The following HNRNPU variants were observed in gnomAD, a reference collection of about 807,000 sequenced individuals.
HNRNPU encodes the protein heterogeneous nuclear ribonucleoprotein U, also known as HNRNPU antisense RNA 1.
Under a neutral mutation model 94.7 loss-of-function variants are expected in HNRNPU, and 5 were observed. The ratio of observed to expected loss-of-function variants is 0.05; its 90% CI spans 0.03 to 0.11. The LOEUF (loss-of-function observed/expected upper bound fraction) is 0.11. Among genes scored for constraint, HNRNPU ranks in the 10% least tolerant of loss-of-function variants. HNRNPU has a pLI of 1.00. For synonymous variants in HNRNPU, 434 were observed against 381.6 expected (o/e 1.14, Z -1.60); for missense variants, 710 against 1,049.2 (o/e 0.68, Z 4.47).
chr1:244,864,026 T>TTCCTCC lies in HNRNPU; in HGVS notation c.276_281dup (p.Glu93_Glu94dup), dbSNP rs749084511. ...GGTCGCCGTCCAGAGCGGAGATTCCTTCCTCCTCCTCTTCCTCTTCCTCCT... is the reference window on the plus strand; with the variant it reads ...GGTCGCCGTCCAGAGCGGAGATTCCTTCCTCCTCCTCCTCCTCTTCCTCTTCCTCCT... On this transcript the variant is annotated inframe_insertion, in exon 1 of 14. Transcript: ENST00000640218. The TTCCTCC allele has an allele frequency of 2.6e-5, 42 of 1,612,480 alleles. No homozygotes were observed. Among genetic ancestry groups the TTCCTCC allele is most frequent in the Non-Finnish European group, 3.5e-5 (41 of 1,179,488 alleles).
Position 244,857,450 on chromosome 1 carries a change from T to A in HNRNPU, c.1614+148A>T. Reference sequence around the variant, plus strand: ...TTAGTAGGAACGGGGCTTCGCCATGTTGGCCAGGTGGGTCTCAAACTCCTG... The same window carrying A: ...TTAGTAGGAACGGGGCTTCGCCATGATGGCCAGGTGGGTCTCAAACTCCTG... On this transcript the variant is annotated intron_variant, in intron 8 of 13. Coordinates refer to ENST00000640218, the MANE Select transcript of HNRNPU (RefSeq NM_031844.3). 3 of 762,170 alleles carry A rather than the reference T, an allele frequency of 3.9e-6. No individual in the cohort carries two copies. In the Admixed American group the frequency reaches 8.1e-5, roughly 21 times the overall value. The allele number at this position is 762,170 out of a possible 1,614,324, so 47.2% of individuals were successfully genotyped here.
intron 1 of HNRNPU, 143 bp downstream of exon 1, chr1:244,863,474 T>C (rs1385481294): frequency 8.6e-6 from 9 of 1,048,406 alleles, no homozygotes; most frequent in Non-Finnish European, 9.7e-6. Flanking sequence ...TAATCTGGGA[T>C]TCCCCGCGCC....
intron 1 of HNRNPU, among the ~76,000 whole-genome samples, chr1:244,863,342 A>G (rs1471705255): frequency 2.1e-5 from 3 of 142,082 alleles, no homozygotes; most frequent in Non-Finnish European, 4.6e-5. Context: ...CTACAGCGGC[A>G]GCTGCAGCTC....
At chr1:244,862,815 CTT>C in intron 1 of HNRNPU, 85 bp from the exon 2 acceptor site, 1 of 873,366 alleles carries the variant, frequency 1.1e-6, no homozygotes, top group Non-Finnish European at 1.9e-6. Flanking sequence ...AGCAGCTCGA[CTT>C]TATCCTGCTT....
At chr1:244,855,285 C>T in intron 12 of HNRNPU, 139 bp downstream of exon 12, 1 of 860,238 alleles carries the variant, frequency 1.2e-6, no homozygotes. Flanking sequence ...ACTCATTTCA[C>T]CATTACTAGT....
chr1:244,862,225 G>T, intron 3 of HNRNPU: 1 of 414,524 alleles, frequency 2.4e-6, no homozygotes, highest in Non-Finnish European at 4.3e-6. Context: ...CTAAGAATGA[G>T]AACTTTCAAG....
chr1:244,857,012 C>T, intron 8 of HNRNPU, 156 bp from the exon 9 acceptor site: 2 of 624,968 alleles, frequency 3.2e-6, no homozygotes, highest in South Asian at 2.1e-5. Flanking sequence ...GTCACTTAAA[C>T]TATGTAACAA....
Position 244,864,457 on chromosome 1 carries a change from T to G in HNRNPU, c.-150A>C, listed in dbSNP as rs912084704. On this transcript the variant is annotated 5_prime_UTR_variant, in exon 1 of 14. Transcript: ENST00000640218. ...GTTCGTGCTGCAGAGCGGATCCGCC[T>G]GGTGTCGAACGGCGCCAATTCCTTT... 1 of 1,362,242 alleles carries G rather than the reference T, an allele frequency of 7.3e-7. No individual in the cohort carries two copies. The highest frequency in any genetic ancestry group is 9.9e-7 in the Non-Finnish European group (1 of 1,013,800). The allele number at this position is 1,362,242 out of a possible 1,614,324, so 84.4% of individuals were successfully genotyped here.
chr1:244,860,694 T>C, intron 3 of HNRNPU: 3 of 575,296 alleles, frequency 5.2e-6, no homozygotes, highest in East Asian at 2.9e-5. Context: ...GTGAAACTAA[T>C]ACCAAGGTTT....
At chr1:244,863,183 G>C (rs539757298) in intron 1 of HNRNPU, 1 of 157,302 alleles carries the variant, frequency 6.4e-6, no homozygotes, top group Non-Finnish European at 1.3e-5. Context: ...ACAATACAGC[G>C]GCGAGGAGCC....
In HNRNPU at chr1:244,864,424, G is replaced by A. The variant is rs1416311501; in HGVS notation, c.-117C>T. 6 of 1,535,718 alleles carry A rather than the reference G, an allele frequency of 3.9e-6. No homozygotes were observed. Among genetic ancestry groups the A allele is most frequent in the Non-Finnish European group, 3.5e-6 (4 of 1,138,356 alleles). On this transcript the variant is annotated 5_prime_UTR_variant, in exon 1 of 14. Coordinates refer to ENST00000640218, the MANE Select transcript of HNRNPU (RefSeq NM_031844.3). ...CCGGGCGGCGGCTGCGGCTGCGGCT[G>A]GAGATGGGTTCGTGCTGCAGAGCGG... is the stretch of plus-strand genomic sequence containing the variant.
Position 244,850,971 on chromosome 1 carries a change from C to G in HNRNPU, c.*3479G>C, listed in dbSNP as rs569734845. On this transcript the variant is annotated 3_prime_UTR_variant, in exon 14 of 14. Coordinates refer to ENST00000640218, the MANE Select transcript of HNRNPU (RefSeq NM_031844.3). ...TAGATAAAATTCTCTGCTACAAGTT[C>G]CATCCACTTTTTTTTTTTCAAGAGA... 94 of 152,084 alleles carry G rather than the reference C, an allele frequency of 6.2e-4. No individual in the cohort carries two copies. The highest frequency in any genetic ancestry group is 2.1e-3 in the African/African-American group (88 of 41,456). 9.4% of individuals were successfully genotyped at this position (152,084 alleles called of 1,614,324 possible).
chr1:244,863,866 C>T lies in HNRNPU; in HGVS notation c.442G>A (p.Glu148Lys). The part of the protein sequence containing the change: ...FQEGEDELGD[E>K]EEGAGDENGH... ...TTCTCGTCGCCCGCGCCTTCCTCTT[C>T]GTCCCCGAGCTCATCTTCCCCTTCC... Residue 148 changes from glutamate (E) to lysine (K), a missense_variant, in exon 1 of 14, where the codon GAA (glutamate) becomes AAA (lysine). Around this residue, in one of 8 missense-constraint regions of HNRNPU, gnomAD observed 292 missense variants for 293.4 expected, o/e 1.00. Transcript: ENST00000640218. The T allele has an allele frequency of 6.2e-7, 1 of 1,613,764 alleles. No homozygotes were observed. Among genetic ancestry groups the T allele is most frequent in the Non-Finnish European group, 8.5e-7 (1 of 1,179,898 alleles).
At position 244,853,980 on chromosome 1, in the gene HNRNPU, T is replaced by TG. The variant is rs781444859; in HGVS notation, c.*469dup. ...ACTACAGAGAGGATGGAGTGTAATA[T>TG]GAGCAGTACAGAGTCTTAATGCAAT... On this transcript the variant is annotated 3_prime_UTR_variant, in exon 14 of 14. Transcript: ENST00000640218. 43 of 154,970 alleles carry TG rather than the reference T, an allele frequency of 2.8e-4. No individual in the cohort carries two copies. Among genetic ancestry groups the TG allele is most frequent in the Middle Eastern group, 3.3e-3 (1 of 300 alleles). The allele number at this position is 154,970 out of a possible 1,614,324, so 9.6% of individuals were successfully genotyped here. A position where few individuals can be genotyped will look rare whatever the true frequency, so the allele number is the denominator to read the frequency against.
At chr1:244,858,573 C>G in intron 6 of HNRNPU, 156 bp downstream of exon 6, 1 of 620,842 alleles carries the variant, frequency 1.6e-6, no homozygotes, top group Non-Finnish European at 2.9e-6. Context: ...CCTGTGTTTT[C>G]CCAATTCAAC....
chr1:244,862,463 G>T lies in HNRNPU; in HGVS notation c.875C>A (p.Thr292Asn). The change falls in exon 3 of 14, where the codon ACT (threonine) becomes AAT (asparagine). Residue 292 changes from threonine to asparagine, a missense_variant and splice_region_variant. By Grantham distance (65) the Thr-to-Asn change is moderately conservative (BLOSUM62 0). Coordinates refer to ENST00000640218, the MANE Select transcript of HNRNPU (RefSeq NM_031844.3). ...HFDDTVVCLD[T>N]YNCDLHFKIS... ...TGGGGAGAAACAGCTTCACTTACAA[G>T]TATCAAGACAAACCACTGTGTCATC... The T allele has an allele frequency of 6.4e-7, 1 of 1,566,688 alleles. No homozygotes were observed. Among genetic ancestry groups the T allele is most frequent in the Non-Finnish European group, 8.8e-7 (1 of 1,142,438 alleles).
rs2102991081 is a variant in HNRNPU, at chr1:244,864,304, T to TCACCATGTTACATTAA, written c.3_4insTTAATGTAACATGGTG (p.Ser2LeufsTer3). On this transcript the variant is annotated stop_gained and frameshift_variant, in exon 1 of 14. Coordinates refer to ENST00000640218, the MANE Select transcript of HNRNPU (RefSeq NM_031844.3). LOFTEE classifies it high-confidence loss of function. The stretch of plus-strand genomic sequence containing the variant: ...TTTTTTACATTAACAGGCGAGGAAC[T>TCACCATGTTACATTAA]CATGGTGAGGGCCCCGATTCACCGC... 1 of 1,612,412 alleles carries TCACCATGTTACATTAA rather than the reference T, an allele frequency of 6.2e-7. No individual in the cohort carries two copies. The highest frequency in any genetic ancestry group is 1.1e-5 in the South Asian group (1 of 91,026).
chr1:244,856,418 A>G (rs1201338578), intron 10 of HNRNPU, 39 bp downstream of exon 10: 1 of 1,567,426 alleles, frequency 6.4e-7, no homozygotes, highest in Non-Finnish European at 8.7e-7. Flanking sequence ...TTCTTTTAAA[A>G]AGAAGATTTC....
chr1:244,857,900 G>C, intron 7 of HNRNPU, 111 bp downstream of exon 7: 1 of 1,311,356 alleles, frequency 7.6e-7, no homozygotes, highest in East Asian at 2.3e-5. Context: ...AGAGCAATAT[G>C]CACAGCACAA....
Sources: allele counts gnomAD v4.1 joint callset (sites outside exome capture counted in the v4.1 genomes callset), GRCh38; gene constraint gnomAD v4.1.1; regional missense constraint gnomAD v4.1.1; transcripts MANE v1.5; gene names NCBI Gene and HGNC (gene_info 2026-07-23, HGNC 2026-07-21).